The following JAZF1 variants were observed in gnomAD, a reference collection of about 807,000 sequenced individuals.
JAZF1 encodes JAZF zinc finger 1.
Under a neutral mutation model 26.4 loss-of-function variants are expected in JAZF1, and 8 were observed. The observed-to-expected ratio is 0.30, with a 90% CI of 0.18 to 0.55. JAZF1 has a LOEUF of 0.55. JAZF1 is among the 20% of genes least tolerant of loss of function. The probability of loss-of-function intolerance (pLI) is 0.94; values close to 1 mark genes in which losing one functional copy is unlikely to be tolerated. For synonymous variants in JAZF1, 126 were observed against 122.3 expected (o/e 1.03, Z -0.20); for missense variants, 199 against 322.0 (o/e 0.62, Z 2.92).
chr7:28,145,773 C>T (rs923665949), intron 1 of JAZF1, among the ~76,000 whole-genome samples: 8 of 151,876 alleles, frequency 5.3e-5, no homozygotes, highest in African/African-American at 7.3e-5. Context: ...TGTGCTTCTT[C>T]GTACAATCTC....
At position 28,047,662 on chromosome 7, in the gene JAZF1, T is replaced by C. The variant is rs190048226; in HGVS notation, c.116-55681A>G. Among the ~76,000 whole-genome samples, 795 of 152,312 alleles carry C rather than the reference T, an allele frequency of 5.2e-3. 5 individuals carry two copies. Among genetic ancestry groups the C allele is most frequent in the Middle Eastern group, 0.014 (4 of 294 alleles). ...ACAATATTCATTTTCTTCAACTTTA[T>C]TGAAGCTTTATTTCTCCTAATCCAT... On this transcript the variant is annotated intron_variant, in intron 1 of 4. Transcript: ENST00000283928.
intron 2 of JAZF1, among the ~76,000 whole-genome samples, chr7:27,951,366 T>C (rs889915858): frequency 2.6e-5 from 4 of 152,160 alleles, no homozygotes; most frequent in Non-Finnish European, 4.4e-5. Context: ...CCTTAAGAAA[T>C]TGTATAGGTC....
At chr7:27,917,899 T>C (rs1456562499) in intron 2 of JAZF1, among the ~76,000 whole-genome samples, 3 of 152,200 alleles carry the variant, frequency 2.0e-5, no homozygotes, top group African/African-American at 7.2e-5. Flanking sequence ...TTCCCACATA[T>C]TTCTGACTCT....
intron 2 of JAZF1, among the ~76,000 whole-genome samples, chr7:27,961,163 G>A (rs1785179979): frequency 6.6e-6 from 1 of 152,156 alleles, no homozygotes; most frequent in South Asian, 2.1e-4. Context: ...ACTTATAACA[G>A]TCGTTAGGGT....
At chr7:27,947,116 C>T (rs763228129) in intron 2 of JAZF1, among the ~76,000 whole-genome samples, 18 of 152,134 alleles carry the variant, frequency 1.2e-4, no homozygotes, top group Admixed American at 8.5e-4. Context: ...TTTGTTTTTC[C>T]TCTCTGAGGT....
intron 1 of JAZF1, among the ~76,000 whole-genome samples, chr7:28,082,325 G>A (rs1014612019): frequency 6.6e-6 from 1 of 152,106 alleles, no homozygotes; most frequent in African/African-American, 2.4e-5. Context: ...TCACTGGGCT[G>A]AGGAGTGTTC....
At chr7:27,881,084 C>T (rs1457108257) in intron 3 of JAZF1, among the ~76,000 whole-genome samples, 1 of 152,246 alleles carries the variant, frequency 6.6e-6, no homozygotes, top group Non-Finnish European at 1.5e-5. Flanking sequence ...GAAATGGTCT[C>T]ATTTTTCTTT....
intron 1 of JAZF1, among the ~76,000 whole-genome samples, chr7:28,046,514 C>T (rs570461148): frequency 6.6e-6 from 1 of 152,042 alleles, no homozygotes; most frequent in Non-Finnish European, 1.5e-5. Context: ...GATGAATGTC[C>T]GCAGTATAGC....
chr7:28,064,239 T>TC (rs1356885736), intron 1 of JAZF1, among the ~76,000 whole-genome samples: 1 of 151,818 alleles, frequency 6.6e-6, no homozygotes, highest in East Asian at 1.9e-4. Context: ...AATTTTAATT[T>TC]CCCCCCAAAA....
chr7:27,895,931 T>C (rs565682573), intron 2 of JAZF1, among the ~76,000 whole-genome samples: 11 of 152,334 alleles, frequency 7.2e-5, no homozygotes, highest in African/African-American at 2.6e-4. Flanking sequence ...TATTGTTATT[T>C]GGGTTTAAAA....
intron 1 of JAZF1, among the ~76,000 whole-genome samples, chr7:28,060,820 A>G (rs1483648121): frequency 6.6e-6 from 1 of 152,170 alleles, no homozygotes; most frequent in Non-Finnish European, 1.5e-5. Context: ...AAAACCTAAG[A>G]GCAAGTTCAG....
chr7:28,112,785 C>T (rs184376841), intron 1 of JAZF1, among the ~76,000 whole-genome samples: 135 of 152,072 alleles, frequency 8.9e-4, no homozygotes, highest in Non-Finnish European at 1.7e-3. Flanking sequence ...GAAGGCTGAC[C>T]GTACAGACCT....
chr7:27,913,163 G>A (rs1784387587), intron 2 of JAZF1, among the ~76,000 whole-genome samples: 2 of 151,392 alleles, frequency 1.3e-5, no homozygotes, highest in Non-Finnish European at 1.5e-5. Context: ...GGCCTTATGG[G>A]ACCAAAGGGA....
chr7:28,138,652 A>G (rs1465746102), intron 1 of JAZF1, among the ~76,000 whole-genome samples: 1 of 152,222 alleles, frequency 6.6e-6, no homozygotes, highest in Non-Finnish European at 1.5e-5. Context: ...CGCTCTGTGA[A>G]GAATATTTGC....
At chr7:27,889,439 G>A (rs2128340996) in intron 3 of JAZF1, among the ~76,000 whole-genome samples, 1 of 152,176 alleles carries the variant, frequency 6.6e-6, no homozygotes, top group South Asian at 2.1e-4. Context: ...TTAATTTGAT[G>A]GAAAGAGATC....
At chr7:28,105,422 C>T (rs144955018) in intron 1 of JAZF1, among the ~76,000 whole-genome samples, 3 of 152,300 alleles carry the variant, frequency 2.0e-5, no homozygotes, top group African/African-American at 7.2e-5. Context: ...TTGAGCTGAA[C>T]ACATAACGGT....
chr7:27,856,567 A>C (rs1783258867), intron 3 of JAZF1, among the ~76,000 whole-genome samples: 4 of 152,152 alleles, frequency 2.6e-5, no homozygotes, highest in Admixed American at 2.6e-4. Flanking sequence ...TTTTACAGAG[A>C]GCTGATTGGT....
chr7:27,985,975 A>G (rs537901430), intron 2 of JAZF1, among the ~76,000 whole-genome samples: 1 of 152,200 alleles, frequency 6.6e-6, no homozygotes, highest in Non-Finnish European at 1.5e-5. Context: ...AAATAATAAG[A>G]GCTATTTATG....
chr7:27,961,052 G>A (rs1429254641), intron 2 of JAZF1, among the ~76,000 whole-genome samples: 1 of 152,226 alleles, frequency 6.6e-6, no homozygotes, highest in Non-Finnish European at 1.5e-5. Flanking sequence ...CTTACTGTTT[G>A]AACTTCTATG....
Sources: gnomAD v4.1 joint callset for allele counts (sites outside exome capture counted in the v4.1 genomes callset) on GRCh38, gnomAD v4.1.1 for gene constraint, MANE v1.5 for transcripts, NCBI Gene and HGNC (gene_info 2026-07-23, HGNC 2026-07-21) for gene names.